DNAAF9: variants seen among roughly 807,000 people sequenced by gnomAD.
The protein encoded by DNAAF9 is shulin.
In DNAAF9, 90 loss-of-function variants were observed where a neutral mutation model predicts 167.0. The observed-to-expected ratio is 0.54, with a 90% CI of 0.45 to 0.64. The LOEUF is 0.64. Ranked by LOEUF, DNAAF9 falls within the 30% of genes least tolerant of loss-of-function variation. The pLI is 0.00. For synonymous variants in DNAAF9, 491 were observed against 508.8 expected, an observed-to-expected ratio of 0.96 and a Z score of 0.47; for missense variants, 1,315 against 1,442.2, an observed-to-expected ratio of 0.91 and a Z score of 1.43.
chr20:3,323,470 C>T (rs760030160), intron 14 of DNAAF9, among the ~76,000 whole-genome samples: 27 of 151,666 alleles, frequency 1.8e-4, no homozygotes, highest in Non-Finnish European at 2.9e-4. Flanking sequence ...TTAATGAAGG[C>T]GGGGTTTTGC....
intron 23 of DNAAF9, 72 bp from the exon 24 acceptor site, chr20:3,294,701 G>T: frequency 1.0e-6 from 1 of 972,896 alleles, no homozygotes; most frequent in Non-Finnish European, 1.6e-6. Flanking sequence ...AACTGGGCCT[G>T]ATGCTTTCAA....
At position 3,359,608 on chromosome 20, in the gene DNAAF9, A is replaced by C. The variant is rs1000591254; in HGVS notation, c.613-15T>G. On this transcript the variant is annotated splice_polypyrimidine_tract_variant and intron_variant, in intron 6 of 36. Coordinates refer to ENST00000252032, the MANE Select transcript of DNAAF9 (RefSeq NM_001009984.3). ...ACATCCTGCAACTGCAACAGAGGGC[A>C]AAAACATTGAAATAATTAAGTCAAT... 1.3e-6 allele frequency: 2 copies of C among 1,554,462 alleles called. No homozygotes were observed. The highest frequency in any genetic ancestry group is 1.8e-6 in the Non-Finnish European group (2 of 1,131,444).
In DNAAF9 at chr20:3,290,232, A is replaced by C; in HGVS notation, c.2239-15T>G. The C allele has an allele frequency of 6.5e-7, 1 of 1,549,570 alleles. No homozygotes were observed. Among genetic ancestry groups the C allele is most frequent in the Non-Finnish European group, 8.9e-7 (1 of 1,121,200 alleles). Reference sequence around the variant, plus strand: ...CTGATAATTACCTACATGAAGAAAAAGTCATGGGTTTGCAATTCAACTGCA... The same window carrying C: ...CTGATAATTACCTACATGAAGAAAACGTCATGGGTTTGCAATTCAACTGCA... On this transcript the variant is annotated splice_polypyrimidine_tract_variant and intron_variant, in intron 25 of 36. Transcript: ENST00000252032.
intron 20 of DNAAF9, among the ~76,000 whole-genome samples, chr20:3,309,704 T>A (rs2069366886): frequency 6.6e-6 from 1 of 152,224 alleles, no homozygotes; most frequent in Non-Finnish European, 1.5e-5. Context: ...ATTATATTTT[T>A]ATAATTCAAC....
Position 3,304,869 on chromosome 20 carries a change from C to T in DNAAF9, c.1679-326G>A, listed in dbSNP as rs184310919. Among the ~76,000 whole-genome samples, 323 of 152,324 alleles carry T rather than the reference C, an allele frequency of 2.1e-3. 1 individual carries two copies. The highest frequency in any genetic ancestry group is 7.3e-3 in the African/African-American group (305 of 41,564). On this transcript the variant is annotated intron_variant, in intron 20 of 36. Transcript: ENST00000252032. The stretch of plus-strand genomic sequence containing the variant: ...CTAAAAAAGACTTTGGGTATATCTG[C>T]TCCATTACTGAGTTTACAGATTTTC...
At chr20:3,319,923 G>A (rs1245435141) in intron 16 of DNAAF9, among the ~76,000 whole-genome samples, 1 of 152,174 alleles carries the variant, frequency 6.6e-6, no homozygotes, top group Non-Finnish European at 1.5e-5. Flanking sequence ...ACCCTCCTGA[G>A]CTACATGGTC....
intron 7 of DNAAF9, among the ~76,000 whole-genome samples, chr20:3,353,846 G>A (rs2083249296): frequency 6.6e-6 from 1 of 152,054 alleles, no homozygotes; most frequent in South Asian, 2.1e-4. Context: ...TGCTTTAGGG[G>A]TTACAGAGAA....
intron 10 of DNAAF9, 71 bp downstream of exon 10, chr20:3,340,433 T>TCCGGGGGGGGGGGCCCCCCCCCCCCC: frequency 4.5e-6 from 1 of 221,214 alleles, no homozygotes; most frequent in Non-Finnish European, 9.5e-6. Context: ...TTTGTCTAGC[T>TCCGGGGGGGGGGGCCCCCCCCCCCCC]CCCCCCACCC....
chr20:3,368,871 AC>A (rs1320230255), intron 6 of DNAAF9, among the ~76,000 whole-genome samples: 6 of 73,052 alleles, frequency 8.2e-5, no homozygotes, highest in African/African-American at 3.4e-4. Flanking sequence ...CAGGTGGCTC[AC>A]GCCTGTAATC....
intron 29 of DNAAF9, 84 bp from the exon 30 acceptor site, chr20:3,270,646 C>T (rs895020257): frequency 2.5e-6 from 3 of 1,212,750 alleles, no homozygotes; most frequent in African/African-American, 1.5e-5. Flanking sequence ...CTTGCTCCAT[C>T]CCCTAATCAT....
rs930264757 is a variant in DNAAF9, at chr20:3,276,070, C to A, written c.2650+2842G>T. 9.2e-5 allele frequency among the ~76,000 whole-genome samples: 14 copies of A among 152,156 alleles called. 1 individual carries two copies. The highest frequency in any genetic ancestry group is 3.4e-4 in the African/African-American group (14 of 41,428). ...TTCTATAATACACATTGTCTTGGGG[C>A]TGCAACATAGTCCTTTTCTAACTGG... On this transcript the variant is annotated intron_variant, in intron 29 of 36. Transcript: ENST00000252032.
At position 3,382,496 on chromosome 20, in the gene DNAAF9, G is replaced by A. The variant is rs2123247034; in HGVS notation, c.94C>T (p.Leu32Phe). Reference protein sequence around the residue: ...RGSPSVSCSRLRQVQSILTQS... With the variant: ...RGSPSVSCSRFRQVQSILTQS... ...GTCAGGATGCTCTGAACCTGCCGAA[G>A]TCGACTGCAGCTGCAACAAGAACAG... Residue 32 changes from leucine (L) to phenylalanine (F), a missense_variant, in exon 2 of 37, where the codon CTT becomes TTT. Leu to Phe is a conservative substitution (Grantham distance 22, BLOSUM62 0). Around this residue, in one of 2 missense-constraint regions of DNAAF9, gnomAD observed 981 missense variants for 1,012.5 expected, o/e 0.97. Transcript: ENST00000252032. 1.9e-6 allele frequency: 3 copies of A among 1,613,746 alleles called. No homozygotes were observed. Among genetic ancestry groups the A allele is most frequent in the South Asian group, 2.2e-5 (2 of 91,070 alleles).
At chr20:3,348,699 G>T in intron 7 of DNAAF9, 76 bp from the exon 8 acceptor site, 1 of 821,456 alleles carries the variant, frequency 1.2e-6, no homozygotes. Context: ...TTATGAAACT[G>T]TAACTTATCT....
intron 36 of DNAAF9, 131 bp from the exon 37 acceptor site, chr20:3,252,815 TGATGGA>T: frequency 1.5e-6 from 1 of 663,900 alleles, no homozygotes; most frequent in Non-Finnish European, 2.7e-6. Context: ...AGAGGGAACC[TGATGGA>T]CTCTTTGTAT....
At position 3,315,714 on chromosome 20, in the gene DNAAF9, G is replaced by A. The variant is rs758305703; in HGVS notation, c.1590+21C>T. 3.8e-6 allele frequency: 6 copies of A among 1,590,264 alleles called. No individual in the cohort carries two copies. The Middle Eastern group carries it at 5.0e-4, about 132-fold the overall frequency. On this transcript the variant is annotated intron_variant, in intron 19 of 36. Coordinates refer to ENST00000252032, the MANE Select transcript of DNAAF9 (RefSeq NM_001009984.3). This position sits in a 1 kb window ranked among gnomAD's most constrained non-coding sequence, Gnocchi z 4.1. Reference sequence around the variant, plus strand: ...TATTTTTTGATATAATGTTCACACTGAGAATAAGAAGGCTGCTTACCCTCA... The same window carrying A: ...TATTTTTTGATATAATGTTCACACTAAGAATAAGAAGGCTGCTTACCCTCA...
At chr20:3,265,063 A>G (rs2068464323) in intron 30 of DNAAF9, among the ~76,000 whole-genome samples, 1 of 152,174 alleles carries the variant, frequency 6.6e-6, no homozygotes, top group African/African-American at 2.4e-5. Context: ...ATCACATCCA[A>G]GGAATTTACT....
rs748754156 is a variant in DNAAF9, at chr20:3,382,529, TC to T, written c.84-24del. 7.5e-6 allele frequency: 12 copies of T among 1,602,632 alleles called. No homozygotes were observed. The African/African-American group carries it at 1.6e-4, about 21-fold the overall frequency. The stretch of plus-strand genomic sequence containing the variant: ...CAGCTGCAACAAGAACAGAAAATGG[TC>T]CCCTGAGTGCCAGGACAGCCCCATG... On this transcript the variant is annotated intron_variant, in intron 1 of 36. Coordinates refer to ENST00000252032, the MANE Select transcript of DNAAF9 (RefSeq NM_001009984.3).
chr20:3,336,261 T>TTG (rs1405209750), intron 10 of DNAAF9, among the ~76,000 whole-genome samples: 9 of 142,026 alleles, frequency 6.3e-5, no homozygotes, highest in South Asian at 2.2e-4. Flanking sequence ...CGTTTTTGTT[T>TTG]TTTTTTTTTT....
Position 3,252,410 on chromosome 20 carries a change from T to A in DNAAF9, c.*162A>T. On this transcript the variant is annotated 3_prime_UTR_variant, in exon 37 of 37. Coordinates refer to ENST00000252032, the MANE Select transcript of DNAAF9 (RefSeq NM_001009984.3). ...GTGCAGGTGATGCTCTTCAGCGCTATACAGGGAATAAAGACAACATGCACT... is the reference window on the plus strand; with the variant it reads ...GTGCAGGTGATGCTCTTCAGCGCTAAACAGGGAATAAAGACAACATGCACT... 1 of 589,978 alleles carries A rather than the reference T, an allele frequency of 1.7e-6. No homozygotes were observed. Among genetic ancestry groups the A allele is most frequent in the Middle Eastern group, 4.7e-4 (1 of 2,146 alleles). 36.5% of individuals were successfully genotyped at this position (589,978 alleles called of 1,614,324 possible).
Sources: allele counts gnomAD v4.1 joint callset (sites outside exome capture counted in the v4.1 genomes callset), GRCh38; gene constraint gnomAD v4.1.1; regional missense constraint gnomAD v4.1.1; non-coding constraint Gnocchi (gnomAD v3.1); transcripts MANE v1.5; gene names NCBI Gene and HGNC (gene_info 2026-07-23, HGNC 2026-07-21).